ARID1B: variants seen among roughly 807,000 people sequenced by gnomAD.
ARID1B encodes the protein AT-rich interaction domain 1B.
Under a neutral mutation model 212.3 loss-of-function variants are expected in ARID1B, and 30 were observed. That is an observed-to-expected ratio of 0.14 (90% confidence interval 0.11 to 0.19). The LOEUF is 0.19. Among genes scored for constraint, ARID1B ranks in the 10% least tolerant of loss-of-function variants. The pLI is 1.00. For missense variants in ARID1B, 2,891 were observed against 3,204.0 expected (o/e 0.90, Z 2.36); for synonymous variants, 1,402 against 1,301.7 (o/e 1.08, Z -1.66).
At chr6:156,940,621 C>T (rs918835762) in intron 4 of ARID1B, 2 of 152,164 alleles carry the variant, frequency 1.3e-5, no homozygotes, top group African/African-American at 4.8e-5. Flanking sequence ...AGCGTTCTGC[C>T]TTTAATTCAA....
At chr6:156,899,636 C>T (rs1003721388) in intron 2 of ARID1B, among the ~76,000 whole-genome samples, 3 of 152,144 alleles carry the variant, frequency 2.0e-5, no homozygotes, top group Admixed American at 2.0e-4. Context: ...GCCAAACTTC[C>T]TGGAGCTGGA....
intron 3 of ARID1B, among the ~76,000 whole-genome samples, chr6:156,927,430 T>C (rs929279111): frequency 7.9e-5 from 12 of 152,210 alleles, no homozygotes; most frequent in Admixed American, 3.9e-4. Flanking sequence ...ATCTGCAGGT[T>C]TTGTCAAACT....
intron 3 of ARID1B, among the ~76,000 whole-genome samples, chr6:156,934,816 C>A (rs935939327): frequency 6.7e-5 from 10 of 150,304 alleles, no homozygotes; most frequent in South Asian, 2.1e-4. Context: ...GGTTTGGCTA[C>A]AGCTGACCTC....
chr6:157,148,411 G>C lies in ARID1B; in HGVS notation c.2762-213G>C, dbSNP rs947083480. ...CTTCATCAGTGCAGTGGTCCTCTGG[G>C]GCTGTCTGTATTTGAGTCACTCTCT... On this transcript the variant is annotated intron_variant, in intron 7 of 19. Transcript: ENST00000636930. This position sits in a 1 kb window ranked among gnomAD's most constrained non-coding sequence, Gnocchi z 5.6. Among the ~76,000 whole-genome samples the C allele has an allele frequency of 1.1e-4, 17 of 152,242 alleles. No individual in the cohort carries two copies. Among genetic ancestry groups the C allele is most frequent in the Admixed American group, 1.0e-3 (16 of 15,296 alleles).
intron 3 of ARID1B, chr6:156,902,017 TC>T (rs1409430453): frequency 6.3e-6 from 1 of 158,566 alleles, no homozygotes; most frequent in East Asian, 1.9e-4. Flanking sequence ...AAGTAGATAT[TC>T]ACTTCAGTTG....
chr6:157,111,326 TTGG>T (rs1427974681), intron 6 of ARID1B: 3 of 152,440 alleles, frequency 2.0e-5, no homozygotes, highest in South Asian at 4.1e-4. Flanking sequence ...AAAGCTACTC[TTGG>T]TGGTGGTGGT....
At chr6:157,184,607 G>T (rs1792836591) in intron 13 of ARID1B, 172 bp downstream of exon 13, 9 of 731,054 alleles carry the variant, frequency 1.2e-5, no homozygotes, top group South Asian at 9.2e-5. Flanking sequence ...CAGTGTTAAG[G>T]GATGAGAGAA....
intron 7 of ARID1B, among the ~76,000 whole-genome samples, chr6:157,136,473 C>T (rs1455907705): frequency 2.6e-5 from 4 of 152,108 alleles, no homozygotes; most frequent in African/African-American, 7.2e-5. Context: ...GCCTTCTCAC[C>T]GGTTCATTCA....
intron 2 of ARID1B, among the ~76,000 whole-genome samples, chr6:156,857,857 G>T (rs1366529261): frequency 1.3e-5 from 2 of 152,214 alleles, no homozygotes; most frequent in African/African-American, 4.8e-5. Flanking sequence ...ATGCTCCTAG[G>T]CTGCAAACCT....
intron 8 of ARID1B, among the ~76,000 whole-genome samples, chr6:157,156,641 G>A (rs753092394): frequency 2.6e-5 from 4 of 152,282 alleles, no homozygotes; most frequent in East Asian, 1.9e-4. Flanking sequence ...CAAGCCACTC[G>A]TGAGCGTCAC....
chr6:157,014,165 G>A (rs1779774955), intron 4 of ARID1B, among the ~76,000 whole-genome samples: 1 of 152,166 alleles, frequency 6.6e-6, no homozygotes, highest in South Asian at 2.1e-4. Context: ...ACTAAGGCTT[G>A]GCCAGCCATT....
chr6:156,781,389 C>G (rs1486138965), intron 1 of ARID1B, among the ~76,000 whole-genome samples: 1 of 151,780 alleles, frequency 6.6e-6, no homozygotes. Context: ...TGCTGGGTGT[C>G]TTTTTTTCCA....
chr6:157,057,688 G>A (rs996551963), intron 4 of ARID1B, among the ~76,000 whole-genome samples: 5 of 152,156 alleles, frequency 3.3e-5, no homozygotes, highest in African/African-American at 1.2e-4. Flanking sequence ...CTTGATTTCA[G>A]TCCTTTAGGT....
In ARID1B at chr6:157,208,563, C is replaced by T. The variant is rs1286970616; in HGVS notation, c.*672C>T. 8.6e-6 allele frequency: 2 copies of T among 232,980 alleles called. No individual in the cohort carries two copies. Among genetic ancestry groups the T allele is most frequent in the African/African-American group, 2.2e-5 (1 of 45,302 alleles). 14.4% of individuals were successfully genotyped at this position (232,980 alleles called of 1,614,324 possible). On this transcript the variant is annotated 3_prime_UTR_variant, in exon 20 of 20. Transcript: ENST00000636930. The stretch of plus-strand genomic sequence containing the variant: ...ACAACGATCCGGAAACTGCTCCTCA[C>T]CACTCCCGTCATGCCTGCTGTCGGC...
At chr6:156,844,574 A>C (rs184145335) in intron 2 of ARID1B, among the ~76,000 whole-genome samples, 1 of 152,334 alleles carries the variant, frequency 6.6e-6, no homozygotes, top group East Asian at 1.9e-4. Context: ...AACTTGCCAA[A>C]AATCTAAAGT....
Position 156,955,659 on chromosome 6 carries a change from C to A in ARID1B, c.2247+20083C>A, listed in dbSNP as rs1474856010. Among the ~76,000 whole-genome samples, 1 of 152,168 alleles carries A rather than the reference C, an allele frequency of 6.6e-6. No homozygotes were observed. Among genetic ancestry groups the A allele is most frequent in the Non-Finnish European group, 1.5e-5 (1 of 68,028 alleles). Reference sequence around the variant, plus strand: ...CCACCTGAGTGATACGCCTCAGCTCCTTCCCTGTGTCCAGGAGGAACAGCC... The same window carrying A: ...CCACCTGAGTGATACGCCTCAGCTCATTCCCTGTGTCCAGGAGGAACAGCC... On this transcript the variant is annotated intron_variant, in intron 4 of 19. Coordinates refer to ENST00000636930, the MANE Select transcript of ARID1B (RefSeq NM_001374828.1). The surrounding 1 kb of genome is among the most constrained non-coding windows in gnomAD (Gnocchi z 4.2).
chr6:157,179,300 G>A (rs187005704), intron 11 of ARID1B, among the ~76,000 whole-genome samples: 71 of 152,212 alleles, frequency 4.7e-4, no homozygotes, highest in African/African-American at 1.6e-3. Context: ...CATTAATGAC[G>A]GCAGAGCTTC....
chr6:157,140,695 G>A (rs1789283100), intron 7 of ARID1B: 1 of 398,528 alleles, frequency 2.5e-6, no homozygotes, highest in Non-Finnish European at 4.4e-6. Flanking sequence ...CACCTCCTGG[G>A]AGGCCTTTCT....
chr6:157,026,064 A>G (rs1780640905), intron 4 of ARID1B, among the ~76,000 whole-genome samples: 2 of 152,188 alleles, frequency 1.3e-5, no homozygotes, highest in Non-Finnish European at 2.9e-5. Context: ...AGCTGGGATT[A>G]CAGGCACCCG....
Sources: gnomAD v4.1 joint callset for allele counts (sites outside exome capture counted in the v4.1 genomes callset) on GRCh38, gnomAD v4.1.1 for gene constraint, Gnocchi (gnomAD v3.1) non-coding constraint, MANE v1.5 for transcripts, NCBI Gene and HGNC (gene_info 2026-07-23, HGNC 2026-07-21) for gene names.